The following PCCA variants were observed in gnomAD, a reference collection of about 807,000 sequenced individuals.
PCCA encodes the protein propionyl-CoA carboxylase subunit alpha.
In PCCA, 74 loss-of-function variants were observed where a neutral mutation model predicts 101.3. The observed-to-expected ratio is 0.73, with a 90% confidence interval of 0.61 to 0.89. PCCA has a LOEUF of 0.89. Ranked by LOEUF, PCCA falls within the 40% of genes least tolerant of loss-of-function variation. The probability of loss-of-function intolerance (pLI) is 0.00; values close to 1 mark genes in which losing one functional copy is unlikely to be tolerated. For synonymous variants in PCCA, 294 were observed against 313.6 expected, an observed-to-expected ratio of 0.94 and a Z score of 0.66; for missense variants, 891 against 907.0, an observed-to-expected ratio of 0.98 and a Z score of 0.23.
intron 8 of PCCA, among the ~76,000 whole-genome samples, chr13:100,243,617 A>G (rs1197712264): frequency 6.6e-6 from 1 of 152,210 alleles, no homozygotes; most frequent in East Asian, 1.9e-4. Context: ...GACTAATAGA[A>G]ATTTATAGGA....
chr13:100,476,283 G>A (rs2083416005), intron 21 of PCCA, among the ~76,000 whole-genome samples: 1 of 152,154 alleles, frequency 6.6e-6, no homozygotes. Context: ...GTTTCCTCTT[G>A]TTGCCTGTGA....
Position 100,273,242 on chromosome 13 carries a change from G to A in PCCA, c.961G>A (p.Val321Ile). The A allele has an allele frequency of 1.9e-6, 3 of 1,610,920 alleles. No homozygotes were observed. The highest frequency in any genetic ancestry group is 2.7e-5 in the African/African-American group (2 of 74,984). The change falls in exon 12 of 24, where the codon GTA (valine) becomes ATA (isoleucine). Residue 321 changes from valine to isoleucine, a missense_variant. Coordinates refer to ENST00000376285, the MANE Select transcript of PCCA (RefSeq NM_000282.4). ...ETRRAMGEQA[V>I]ALARAVKYSS... is the part of the protein sequence containing the mutation. ...TCGAAGAGCGATGGGAGAACAAGCT[G>A]TAGCTCTTGCCAGAGCAGTAAAATA...
At chr13:100,480,483 T>G (rs1211205561) in intron 21 of PCCA, 2 of 152,216 alleles carry the variant, frequency 1.3e-5, no homozygotes, top group Non-Finnish European at 2.9e-5. Context: ...ATAGGGGCTG[T>G]CTGAAACTAT....
At position 100,518,037 on chromosome 13, in the gene PCCA, A is replaced by G. The variant is rs1359559203; in HGVS notation, c.2040+2470A>G. ...TGTTGTGTTTTCCTCCGCACTAACAATAGCCGGGCGAGGTTCCCCTTTTAT... is the reference window on the plus strand; with the variant it reads ...TGTTGTGTTTTCCTCCGCACTAACAGTAGCCGGGCGAGGTTCCCCTTTTAT... On this transcript the variant is annotated intron_variant, in intron 22 of 23. Coordinates refer to ENST00000376285, the MANE Select transcript of PCCA (RefSeq NM_000282.4). 9.9e-5 allele frequency among the ~76,000 whole-genome samples: 15 copies of G among 152,278 alleles called. No individual in the cohort carries two copies. The South Asian group carries it at 1.0e-3, about 11-fold the overall frequency.
At chr13:100,132,815 C>T (rs907458933) in intron 4 of PCCA, among the ~76,000 whole-genome samples, 12 of 152,012 alleles carry the variant, frequency 7.9e-5, no homozygotes, top group Admixed American at 2.0e-4. Flanking sequence ...ACTCTGTCAC[C>T]GGGGCTAGAG....
At chr13:100,479,108 TG>T (rs2083667592) in intron 21 of PCCA, among the ~76,000 whole-genome samples, 1 of 152,208 alleles carries the variant, frequency 6.6e-6, no homozygotes, top group Admixed American at 6.5e-5. Flanking sequence ...AAGAAATAGC[TG>T]GGCCCTTTTA....
intron 21 of PCCA, among the ~76,000 whole-genome samples, chr13:100,513,558 G>C (rs559432351): frequency 6.6e-6 from 1 of 152,346 alleles, no homozygotes; most frequent in South Asian, 2.1e-4. Flanking sequence ...AATTTCTGGG[G>C]AGAAATGAAG....
At chr13:100,217,502 T>C (rs1291500256) in intron 7 of PCCA, among the ~76,000 whole-genome samples, 2 of 151,998 alleles carry the variant, frequency 1.3e-5, no homozygotes, top group Non-Finnish European at 2.9e-5. Flanking sequence ...ATAAGGACTT[T>C]AGATAGACTT....
intron 14 of PCCA, among the ~76,000 whole-genome samples, chr13:100,306,934 G>C (rs1486598974): frequency 6.6e-6 from 1 of 152,216 alleles, no homozygotes; most frequent in Admixed American, 6.5e-5. Context: ...TCCTGGCATA[G>C]TGATGTAGGA....
intron 17 of PCCA, among the ~76,000 whole-genome samples, chr13:100,337,666 T>G (rs1417628269): frequency 6.6e-6 from 1 of 152,204 alleles, no homozygotes; most frequent in Non-Finnish European, 1.5e-5. Flanking sequence ...GTCCATTTTA[T>G]TTGGGAGACC....
intron 7 of PCCA, among the ~76,000 whole-genome samples, chr13:100,211,764 A>C (rs1440099678): frequency 6.6e-6 from 1 of 151,758 alleles, no homozygotes; most frequent in African/African-American, 2.4e-5. Flanking sequence ...TTTTTGAGAC[A>C]AGGTCTTGTT....
chr13:100,526,960 G>A (rs2087881738), intron 22 of PCCA, among the ~76,000 whole-genome samples: 1 of 152,244 alleles, frequency 6.6e-6, no homozygotes, highest in Non-Finnish European at 1.5e-5. Context: ...TGTCTGGAGG[G>A]TTTTCCGGAA....
intron 12 of PCCA, among the ~76,000 whole-genome samples, chr13:100,282,310 C>T (rs4772279): frequency 0.47 from 70,820 of 152,170 alleles, 16,593 homozygotes; most frequent in Middle Eastern, 0.54. Context: ...CTCGCTCGCT[C>T]TCGGCGCCTC....
chr13:100,294,587 T>C (rs1156720195), intron 12 of PCCA, among the ~76,000 whole-genome samples: 1 of 152,188 alleles, frequency 6.6e-6, no homozygotes, highest in East Asian at 1.9e-4. Context: ...ACATTCTGAT[T>C]TCAGCTCCAA....
intron 1 of PCCA, among the ~76,000 whole-genome samples, chr13:100,098,194 C>T (rs1175077306): frequency 2.0e-5 from 3 of 151,804 alleles, no homozygotes; most frequent in African/African-American, 7.3e-5. Flanking sequence ...CATAGTGAGA[C>T]CCCCATCTCT....
chr13:100,198,700 T>C (rs2058283793), intron 6 of PCCA, among the ~76,000 whole-genome samples: 2 of 152,038 alleles, frequency 1.3e-5, no homozygotes, highest in Admixed American at 1.3e-4. Flanking sequence ...GGTTTCACCA[T>C]GTTGACCAGG....
chr13:100,117,134 T>G (rs950713404), intron 4 of PCCA, among the ~76,000 whole-genome samples: 1 of 152,230 alleles, frequency 6.6e-6, no homozygotes, highest in African/African-American at 2.4e-5. Flanking sequence ...GATTTTGTGT[T>G]TTATTTTTAA....
At chr13:100,506,659 TG>T (rs900971610) in intron 21 of PCCA, among the ~76,000 whole-genome samples, 1 of 152,052 alleles carries the variant, frequency 6.6e-6, no homozygotes, top group Non-Finnish European at 1.5e-5. Flanking sequence ...TGCTCCAACC[TG>T]GGGGGGACTG....
intron 4 of PCCA, among the ~76,000 whole-genome samples, chr13:100,134,103 C>T (rs7336442): frequency 0.77 from 117,298 of 152,056 alleles, 45,337 homozygotes; most frequent in East Asian, 0.86. Context: ...TGTGATCATG[C>T]GAGTCAATAC....
Sources: gnomAD v4.1 joint callset for allele counts (sites outside exome capture counted in the v4.1 genomes callset) on GRCh38, gnomAD v4.1.1 for gene constraint, MANE v1.5 for transcripts, NCBI Gene and HGNC (gene_info 2026-07-23, HGNC 2026-07-21) for gene names.